Variants in PCDH15 observed in about 807,000 individuals in gnomAD.
The protein encoded by PCDH15 is protocadherin related 15.
A neutral mutation model predicts 178.5 loss-of-function variants in PCDH15; 129 were observed. The observed-to-expected ratio is 0.72, with a 90% CI of 0.63 to 0.84. The LOEUF (loss-of-function observed/expected upper bound fraction) is 0.84. Ranked by LOEUF, PCDH15 falls within the 40% of genes least tolerant of loss-of-function variation. The pLI is 0.00. For synonymous variants in PCDH15, 800 were observed against 732.0 expected (o/e 1.09, Z -1.50); for missense variants, 2,230 against 2,099.9 (o/e 1.06, Z -1.21).
intron 2 of PCDH15, among the ~76,000 whole-genome samples, chr10:54,642,759 A>C (rs1766045083): frequency 6.6e-6 from 1 of 152,168 alleles, no homozygotes; most frequent in Non-Finnish European, 1.5e-5. Flanking sequence ...AATTTATTGA[A>C]TATAAATAAA....
intron 2 of PCDH15, among the ~76,000 whole-genome samples, chr10:55,047,278 A>G (rs1328366859): frequency 6.6e-6 from 1 of 151,906 alleles, no homozygotes. Context: ...TACAAAAACA[A>G]TTGGTTGCTA....
intron 27 of PCDH15, among the ~76,000 whole-genome samples, chr10:53,861,925 A>G (rs1253386333): frequency 6.6e-6 from 1 of 152,112 alleles, no homozygotes; most frequent in Non-Finnish European, 1.5e-5. Context: ...TAAATAAAAG[A>G]GGTGTTTTAA....
chr10:54,549,294 G>C (rs77086861), intron 2 of PCDH15, among the ~76,000 whole-genome samples: 1 of 151,562 alleles, frequency 6.6e-6, no homozygotes, highest in African/African-American at 2.4e-5. Context: ...TTTCAACCAT[G>C]AGAAGTTAAG....
At chr10:54,789,583 T>C (rs917312995) in intron 1 of PCDH15, among the ~76,000 whole-genome samples, 9 of 152,006 alleles carry the variant, frequency 5.9e-5, no homozygotes, top group East Asian at 3.9e-4. Flanking sequence ...ACAGTGAAAA[T>C]TGGCATATTT....
At chr10:54,849,429 C>T (rs530880809) in intron 3 of PCDH15, among the ~76,000 whole-genome samples, 242 of 152,204 alleles carry the variant, frequency 1.6e-3, no homozygotes, top group South Asian at 3.7e-3. Context: ...TGAATAAATG[C>T]GAAGCTTTAA....
chr10:55,267,582 G>A (rs535763891), intron 1 of PCDH15, among the ~76,000 whole-genome samples: 2 of 152,178 alleles, frequency 1.3e-5, no homozygotes, highest in South Asian at 4.2e-4. Context: ...TGGTGGGAGA[G>A]GAAAAGTTGT....
chr10:55,337,053 G>A (rs1588927804), intron 2 of PCDH15, among the ~76,000 whole-genome samples: 1 of 152,084 alleles, frequency 6.6e-6, no homozygotes, highest in South Asian at 2.1e-4. Flanking sequence ...AAATACCCAC[G>A]AGTGCATAAT....
At chr10:54,484,297 A>G (rs1367290405) in intron 3 of PCDH15, among the ~76,000 whole-genome samples, 1 of 151,880 alleles carries the variant, frequency 6.6e-6, no homozygotes, top group African/African-American at 2.4e-5. Flanking sequence ...TTTTTTGAGC[A>G]TAAAGCAAGG....
intron 3 of PCDH15, among the ~76,000 whole-genome samples, chr10:54,469,930 CT>C (rs750543892): frequency 1.3e-5 from 2 of 152,114 alleles, no homozygotes; most frequent in South Asian, 4.1e-4. Context: ...GTTGAGTGGA[CT>C]CATTTTCAAG....
intron 1 of PCDH15, among the ~76,000 whole-genome samples, chr10:54,689,948 CA>C (rs1230086610): frequency 3.3e-5 from 5 of 152,112 alleles, no homozygotes; most frequent in African/African-American, 1.2e-4. Context: ...ATCAAACAGA[CA>C]AAAACGTTTT....
At chr10:55,544,124 C>G (rs1358659666) in intron 2 of PCDH15, among the ~76,000 whole-genome samples, 1 of 101,448 alleles carries the variant, frequency 9.9e-6, no homozygotes, top group African/African-American at 3.5e-5. Context: ...CAGTTTTCCT[C>G]AAATCTTATA....
chr10:55,130,174 C>T (rs1156529699), intron 2 of PCDH15, among the ~76,000 whole-genome samples: 2 of 151,622 alleles, frequency 1.3e-5, no homozygotes, highest in Non-Finnish European at 2.9e-5. Flanking sequence ...GGAGTGTTGC[C>T]CTAGGGAAGG....
At chr10:55,011,988 C>A (rs1840057483) in intron 2 of PCDH15, among the ~76,000 whole-genome samples, 1 of 152,030 alleles carries the variant, frequency 6.6e-6, no homozygotes, top group Non-Finnish European at 1.5e-5. Context: ...TTTCTGACAA[C>A]AGGAAGAGCC....
At chr10:55,269,456 C>T (rs1341800510) in intron 1 of PCDH15, among the ~76,000 whole-genome samples, 1 of 151,952 alleles carries the variant, frequency 6.6e-6, no homozygotes, top group Admixed American at 6.6e-5. Context: ...AAGCAACATA[C>T]AAAAATCTGT....
chr10:55,608,929 G>A (rs1183537515), intron 2 of PCDH15, among the ~76,000 whole-genome samples: 1 of 151,666 alleles, frequency 6.6e-6, no homozygotes, highest in Non-Finnish European at 1.5e-5. Context: ...ACAAATGTAA[G>A]TTTCAAGCTT....
intron 1 of PCDH15, among the ~76,000 whole-genome samples, chr10:54,673,629 G>T (rs1415653318): frequency 1.3e-5 from 2 of 151,956 alleles, no homozygotes; most frequent in Non-Finnish European, 2.9e-5. Flanking sequence ...ATAGAGACAG[G>T]GTTTCTCCGT....
At chr10:53,878,444 A>G (rs1328849669) in intron 26 of PCDH15, among the ~76,000 whole-genome samples, 1 of 145,072 alleles carries the variant, frequency 6.9e-6, no homozygotes, top group Non-Finnish European at 1.5e-5. Context: ...ATATCTCCAT[A>G]TATATAAAAT....
intron 2 of PCDH15, among the ~76,000 whole-genome samples, chr10:54,578,212 G>T (rs2090703543): frequency 6.6e-6 from 1 of 151,960 alleles, no homozygotes; most frequent in Non-Finnish European, 1.5e-5. Context: ...AATCCTGCAG[G>T]AAGTTTTTGT....
At chr10:55,532,039 G>C (rs1020011699) in intron 2 of PCDH15, among the ~76,000 whole-genome samples, 7 of 151,814 alleles carry the variant, frequency 4.6e-5, no homozygotes, top group African/African-American at 1.7e-4. Flanking sequence ...TTCTGTTTTG[G>C]AAATTTAATG....
Sources: allele counts gnomAD v4.1 joint callset (sites outside exome capture counted in the v4.1 genomes callset), GRCh38; gene constraint gnomAD v4.1.1; transcripts MANE v1.5; gene names NCBI Gene and HGNC (gene_info 2026-07-23, HGNC 2026-07-21).